The following CDH4 variants were observed in gnomAD, a reference collection of about 807,000 sequenced individuals.
CDH4 encodes cadherin-4.
CDH4 carries 33 observed loss-of-function variants against 86.0 expected under a neutral mutation model. That is an observed-to-expected ratio of 0.38 (90% CI 0.29 to 0.51). CDH4 has a LOEUF of 0.51. Among genes scored for constraint, CDH4 ranks in the 20% least tolerant of loss-of-function variants. The pLI is 0.86. For missense variants in CDH4, 1,114 were observed against 1,307.4 expected (o/e 0.85, Z 2.28); for synonymous variants, 555 against 549.4 (o/e 1.01, Z -0.14).
intron 6 of CDH4, among the ~76,000 whole-genome samples, chr20:61,855,496 G>A (rs1467701255): frequency 3.9e-5 from 6 of 152,158 alleles, no homozygotes; most frequent in Admixed American, 1.3e-4. Flanking sequence ...GGAGGAGTGG[G>A]CGGCAGGCCA....
intron 2 of CDH4, among the ~76,000 whole-genome samples, chr20:61,717,095 G>A (rs2087965070): frequency 6.6e-6 from 1 of 152,184 alleles, no homozygotes; most frequent in Non-Finnish European, 1.5e-5. Context: ...GCTGGGCCAT[G>A]AGCAGGGCAG....
At chr20:61,795,174 ATAAT>A (rs1364605733) in intron 4 of CDH4, among the ~76,000 whole-genome samples, 1 of 7,380 alleles carries the variant, frequency 1.4e-4, no homozygotes, top group East Asian at 4.6e-3. Flanking sequence ...GGTGATCATA[ATAAT>A]TAAGAGGAGG....
intron 2 of CDH4, chr20:61,599,684 C>T (rs2086582899): frequency 8.8e-6 from 3 of 341,570 alleles, no homozygotes; most frequent in Non-Finnish European, 1.2e-5. Context: ...AGAAGCCTCT[C>T]GCGTGGTCTC....
At chr20:61,263,322 G>A (rs926425987) in intron 2 of CDH4, among the ~76,000 whole-genome samples, 4 of 152,184 alleles carry the variant, frequency 2.6e-5, no homozygotes, top group African/African-American at 9.6e-5. Flanking sequence ...GCTGGTGTCT[G>A]CTTTCAGTTC....
chr20:61,938,226 G>A lies in CDH4; in HGVS notation c.*1283G>A, dbSNP rs1026946089. 2.0e-5 allele frequency: 3 copies of A among 152,376 alleles called. No individual in the cohort carries two copies. Among genetic ancestry groups the A allele is most frequent in the African/African-American group, 4.8e-5 (2 of 41,450 alleles). The allele number at this position is 152,376 out of a possible 1,614,324, so 9.4% of individuals were successfully genotyped here. A position where few individuals can be genotyped will look rare whatever the true frequency, so the allele number is the denominator to read the frequency against. ...CGGGTCCAAACTTGCTGCTGTCCTCGAGGCTGGCACTGCTATCTCCAGGGC... is the reference window on the plus strand; with the variant it reads ...CGGGTCCAAACTTGCTGCTGTCCTCAAGGCTGGCACTGCTATCTCCAGGGC... On this transcript the variant is annotated 3_prime_UTR_variant, in exon 16 of 16. Coordinates refer to ENST00000614565, the MANE Select transcript of CDH4 (RefSeq NM_001794.5).
intron 4 of CDH4, among the ~76,000 whole-genome samples, chr20:61,791,463 G>A (rs1979196145): frequency 6.6e-6 from 1 of 152,230 alleles, no homozygotes; most frequent in Non-Finnish European, 1.5e-5. Flanking sequence ...TGAAAACAGT[G>A]ATTCACCCGG....
intron 2 of CDH4, among the ~76,000 whole-genome samples, chr20:61,341,703 C>T (rs972320545): frequency 1.2e-4 from 18 of 151,950 alleles, no homozygotes; most frequent in African/African-American, 4.1e-4. Context: ...ATTAATAGGC[C>T]GCTGAGTAAT....
chr20:61,337,691 A>T (rs6129104), intron 2 of CDH4, among the ~76,000 whole-genome samples: 1 of 151,812 alleles, frequency 6.6e-6, no homozygotes, highest in Admixed American at 6.6e-5. Flanking sequence ...CTGAATTGTC[A>T]TCCCTGCTTG....
At position 61,590,209 on chromosome 20, in the gene CDH4, T is replaced by A. The variant is rs143872736; in HGVS notation, c.170-153354T>A. ...GACAGAGAAGTCTCCTTCAAGGAGA[T>A]CCCCAGAGACAGGAATGGATGGGGA... On this transcript the variant is annotated intron_variant, in intron 2 of 15. Transcript: ENST00000614565. Among the ~76,000 whole-genome samples, 492 of 150,378 alleles carry A rather than the reference T, an allele frequency of 3.3e-3. 3 individuals are homozygous for A. The highest frequency in any genetic ancestry group is 0.011 in the African/African-American group (466 of 40,858).
chr20:61,540,202 G>A (rs1000336146), intron 2 of CDH4, among the ~76,000 whole-genome samples: 10 of 152,240 alleles, frequency 6.6e-5, no homozygotes, highest in African/African-American at 1.9e-4. Context: ...CGGCAGCGTC[G>A]TCTTGATCCA....
chr20:61,664,876 C>T (rs1568742511), intron 2 of CDH4, among the ~76,000 whole-genome samples: 2 of 152,348 alleles, frequency 1.3e-5, no homozygotes, highest in East Asian at 1.9e-4. Flanking sequence ...ATCTTTTCAA[C>T]ACTTATTTGG....
At chr20:61,585,053 C>T (rs557051625) in intron 2 of CDH4, among the ~76,000 whole-genome samples, 7 of 152,352 alleles carry the variant, frequency 4.6e-5, no homozygotes, top group Admixed American at 2.0e-4. Flanking sequence ...GGCTTCCCTC[C>T]GCTTCTCCAC....
At chr20:61,353,398 G>T (rs959947097) in intron 2 of CDH4, among the ~76,000 whole-genome samples, 7 of 152,006 alleles carry the variant, frequency 4.6e-5, no homozygotes, top group African/African-American at 7.2e-5. Context: ...AAGCCTTCGC[G>T]CATTGCATAA....
intron 2 of CDH4, among the ~76,000 whole-genome samples, chr20:61,617,469 G>A (rs1250510111): frequency 6.6e-6 from 1 of 152,230 alleles, no homozygotes; most frequent in Non-Finnish European, 1.5e-5. Context: ...CCCATTGCAG[G>A]CTGAGAACGT....
At chr20:61,590,273 C>A (rs1203604013) in intron 2 of CDH4, among the ~76,000 whole-genome samples, 1 of 152,050 alleles carries the variant, frequency 6.6e-6, no homozygotes, top group Non-Finnish European at 1.5e-5. Flanking sequence ...AAGGAGGAGA[C>A]ACCTAGAATA....
intron 15 of CDH4, among the ~76,000 whole-genome samples, chr20:61,934,611 C>G (rs1239906111): frequency 1.3e-5 from 2 of 152,228 alleles, no homozygotes; most frequent in African/African-American, 4.8e-5. Flanking sequence ...AAGTATTAAC[C>G]TTACACAGAG....
At chr20:61,474,202 C>T (rs2145571615) in intron 2 of CDH4, among the ~76,000 whole-genome samples, 1 of 133,700 alleles carries the variant, frequency 7.5e-6, no homozygotes, top group South Asian at 2.4e-4. Context: ...ACTCTGTTGC[C>T]CAGGCTGGAG....
chr20:61,302,599 C>T (rs1487374966), intron 2 of CDH4, among the ~76,000 whole-genome samples: 1 of 152,124 alleles, frequency 6.6e-6, no homozygotes, highest in Non-Finnish European at 1.5e-5. Context: ...TCCCTCAAGT[C>T]ATCCTGAGAC....
intron 2 of CDH4, among the ~76,000 whole-genome samples, chr20:61,614,553 G>A (rs2086710645): frequency 6.6e-6 from 1 of 152,128 alleles, no homozygotes; most frequent in Non-Finnish European, 1.5e-5. Context: ...GGGTTGTGTA[G>A]TGGGACCCAG....
Sources: gnomAD v4.1 joint callset for allele counts (sites outside exome capture counted in the v4.1 genomes callset) on GRCh38, gnomAD v4.1.1 for gene constraint, MANE v1.5 for transcripts, NCBI Gene and HGNC (gene_info 2026-07-23, HGNC 2026-07-21) for gene names.